COL24A1: variants seen among roughly 807,000 people sequenced by gnomAD.
COL24A1 encodes collagen type XXIV alpha 1 chain.
Under a neutral mutation model 253.9 loss-of-function variants are expected in COL24A1, and 224 were observed. That is an observed-to-expected ratio of 0.88 (90% confidence interval 0.79 to 0.99). The LOEUF is 0.99. Ranked by LOEUF, COL24A1 falls within the 50% of genes least tolerant of loss-of-function variation. The pLI is 0.00. For missense variants in COL24A1, 2,131 were observed against 2,068.5 expected, an observed-to-expected ratio of 1.03 and a Z score of -0.59; for synonymous variants, 685 against 673.7, an observed-to-expected ratio of 1.02 and a Z score of -0.26.
At chr1:85,980,979 C>T (rs1693200166) in intron 20 of COL24A1, among the ~76,000 whole-genome samples, 1 of 152,020 alleles carries the variant, frequency 6.6e-6, no homozygotes. Context: ...AACTACAAAA[C>T]ACTGCTGAAA....
chr1:85,875,407 G>T, intron 33 of COL24A1, 77 bp from the exon 34 acceptor site: 1 of 1,147,748 alleles, frequency 8.7e-7, no homozygotes, highest in East Asian at 2.4e-5. Context: ...TGAACTCAAG[G>T]GTGAGATACC....
rs190556598 is a variant in COL24A1 at position 86,041,278 on chromosome 1, T to G, written c.1950+5547A>C. 4.7e-4 allele frequency among the ~76,000 whole-genome samples: 72 copies of G among 152,256 alleles called. No individual in the cohort carries two copies. In the East Asian group the frequency reaches 6.2e-3, roughly 13 times the overall value. The stretch of plus-strand genomic sequence containing the variant: ...TGTAATGTGATTTGATTATTTATAA[T>G]CCATTCTAAGGGTCTGAAAAATTCC... On this transcript the variant is annotated intron_variant, in intron 12 of 59. Coordinates refer to ENST00000370571, the MANE Select transcript of COL24A1 (RefSeq NM_152890.7).
At chr1:86,143,170 C>T (rs1487162680) in intron 2 of COL24A1, among the ~76,000 whole-genome samples, 2 of 151,936 alleles carry the variant, frequency 1.3e-5, no homozygotes, top group African/African-American at 4.8e-5. Context: ...TGTGCTGCAC[C>T]CAAATAAATA....
At position 85,730,465 on chromosome 1, in the gene COL24A1, T is replaced by G; in HGVS notation, c.*81A>C. On this transcript the variant is annotated 3_prime_UTR_variant, in exon 60 of 60. Coordinates refer to ENST00000370571, the MANE Select transcript of COL24A1 (RefSeq NM_152890.7). ...ATGCTTTATTACATGCATTTCATAA[T>G]GACTGTATCTGTCTGTCTTATTTCT... 7.0e-7 allele frequency: 1 copy of G among 1,431,294 alleles called. No individual in the cohort carries two copies. The highest frequency in any genetic ancestry group is 9.6e-7 in the Non-Finnish European group (1 of 1,040,252). The allele number at this position is 1,431,294 out of a possible 1,614,324, so 88.7% of individuals were successfully genotyped here.
intron 37 of COL24A1, among the ~76,000 whole-genome samples, chr1:85,865,158 GA>G (rs35687646): frequency 0.028 from 4,047 of 146,794 alleles, 167 homozygotes; most frequent in African/African-American, 0.092. Context: ...TTCTTTTCTT[GA>G]AAAAAAAAAA....
chr1:85,986,624 T>C (rs1196145807), intron 20 of COL24A1, among the ~76,000 whole-genome samples: 3 of 151,830 alleles, frequency 2.0e-5, no homozygotes, highest in Non-Finnish European at 3.0e-5. Flanking sequence ...ATCTGTAAAA[T>C]GGGAATAACT....
At chr1:85,970,547 C>T (rs1159640401) in intron 21 of COL24A1, among the ~76,000 whole-genome samples, 1 of 151,810 alleles carries the variant, frequency 6.6e-6, no homozygotes, top group Non-Finnish European at 1.5e-5. Flanking sequence ...ATTCATAATT[C>T]TCTAAAAGAA....
At chr1:85,825,126 A>C (rs1203672927) in intron 43 of COL24A1, among the ~76,000 whole-genome samples, 2 of 122,026 alleles carry the variant, frequency 1.6e-5, no homozygotes, top group South Asian at 2.7e-4. Context: ...TCCTGTGTCC[A>C]TGTGTTCTCA....
intron 24 of COL24A1, among the ~76,000 whole-genome samples, chr1:85,942,168 C>T (rs145272246): frequency 3.9e-5 from 6 of 152,268 alleles, no homozygotes; most frequent in African/African-American, 1.2e-4. Context: ...AAGTTCTCTG[C>T]CAGCTAGTTA....
intron 19 of COL24A1, among the ~76,000 whole-genome samples, chr1:85,997,073 A>ATATC (rs1252815883): frequency 9.1e-6 from 1 of 109,526 alleles, no homozygotes; most frequent in Non-Finnish European, 1.8e-5. Flanking sequence ...ATATATATAT[A>ATATC]TATATATACC....
chr1:86,079,759 T>C (rs1702504115), intron 7 of COL24A1, among the ~76,000 whole-genome samples: 2 of 152,200 alleles, frequency 1.3e-5, no homozygotes, highest in East Asian at 3.9e-4. Context: ...TTAAAACGGC[T>C]TATATCCAAA....
chr1:86,116,224 T>C (rs1213810603), intron 3 of COL24A1, among the ~76,000 whole-genome samples: 1 of 152,186 alleles, frequency 6.6e-6, no homozygotes, highest in Non-Finnish European at 1.5e-5. Flanking sequence ...CTATAGAGCA[T>C]ACCATACACA....
chr1:86,105,514 G>C (rs1021007436), intron 5 of COL24A1, among the ~76,000 whole-genome samples: 1 of 152,170 alleles, frequency 6.6e-6, no homozygotes, highest in Non-Finnish European at 1.5e-5. Flanking sequence ...AAGGCCAGCA[G>C]ATCAAGGAAA....
At chr1:85,833,293 C>A (rs1022456318) in intron 43 of COL24A1, among the ~76,000 whole-genome samples, 137 of 152,030 alleles carry the variant, frequency 9.0e-4, no homozygotes, top group African/African-American at 3.2e-3. Flanking sequence ...ACCCCATCAA[C>A]AAGTGGGTGA....
chr1:86,095,657 A>T (rs1331465403), intron 5 of COL24A1, among the ~76,000 whole-genome samples: 1 of 152,054 alleles, frequency 6.6e-6, no homozygotes, highest in Non-Finnish European at 1.5e-5. Flanking sequence ...TAGTTTTTCA[A>T]ATCCCCTTTG....
intron 5 of COL24A1, among the ~76,000 whole-genome samples, chr1:86,105,896 T>C (rs1014869002): frequency 7.2e-5 from 11 of 152,116 alleles, no homozygotes; most frequent in Admixed American, 3.9e-4. Flanking sequence ...AAGTAGCCCC[T>C]GTGCAGAGTT....
intron 55 of COL24A1, among the ~76,000 whole-genome samples, chr1:85,757,833 C>T (rs781455798): frequency 9.9e-5 from 15 of 152,050 alleles, no homozygotes; most frequent in Non-Finnish European, 1.6e-4. Flanking sequence ...GTGCCCACAT[C>T]GAAGTATAAA....
At chr1:85,736,624 G>T (rs1001545142) in intron 58 of COL24A1, 6 of 389,282 alleles carry the variant, frequency 1.5e-5, no homozygotes, top group Non-Finnish European at 3.1e-5. Context: ...GGAGAGGGCG[G>T]TTCAATAAGA....
intron 29 of COL24A1, 145 bp from the exon 30 acceptor site, chr1:85,896,210 G>A: frequency 8.5e-7 from 1 of 1,170,596 alleles, no homozygotes. Flanking sequence ...TGCCTGTGTA[G>A]TAAAAACTTT....
Sources: allele counts gnomAD v4.1 joint callset (sites outside exome capture counted in the v4.1 genomes callset), GRCh38; gene constraint gnomAD v4.1.1; transcripts MANE v1.5; gene names NCBI Gene and HGNC (gene_info 2026-07-23, HGNC 2026-07-21).